Variants in UPP2 observed in about 807,000 individuals in gnomAD.
The protein encoded by UPP2 is UPase 2.
In UPP2, 23 loss-of-function variants were observed where a neutral mutation model predicts 26.7. The ratio of observed to expected loss-of-function variants is 0.86; its 90% CI spans 0.62 to 1.22. The LOEUF (loss-of-function observed/expected upper bound fraction) is 1.22. Ranked by LOEUF, UPP2 falls within the 50% of genes most tolerant of loss-of-function variation. UPP2 has a pLI of 0.00. For missense variants in UPP2, 387 were observed against 396.7 expected (o/e 0.98, Z 0.21); for synonymous variants, 127 against 141.3 (o/e 0.90, Z 0.72).
At chr2:158,064,961 C>T (rs556429176) in intron 3 of UPP2, among the ~76,000 whole-genome samples, 21 of 152,244 alleles carry the variant, frequency 1.4e-4, no homozygotes, top group Non-Finnish European at 2.6e-4. Context: ...TGTTTTGGTA[C>T]CAGTACCATG....
In UPP2 at chr2:158,123,874, T is replaced by G; in HGVS notation, c.790T>G (p.Cys264Gly). Residue 264 changes from cysteine to glycine, a missense_variant, in exon 6 of 7, where the codon TGT (cysteine) becomes GGT (glycine). By Grantham distance (159) the Cys-to-Gly change is radical (BLOSUM62 -3). Transcript: ENST00000005756. ...EMESTVFAAM[C>G]GLCGLKAAVV... ...GGAATCTACAGTGTTTGCAGCTATG[T>G]GTGGACTCTGTGGTCTAAAAGGTAA... 6.2e-7 allele frequency: 1 copy of G among 1,613,840 alleles called. No homozygotes were observed. Among genetic ancestry groups the G allele is most frequent in the South Asian group, 1.1e-5 (1 of 91,040 alleles).
Position 158,110,112 on chromosome 2 carries a change from G to A in UPP2, c.180+3896G>A, listed in dbSNP as rs375803664. On this transcript the variant is annotated intron_variant, in intron 2 of 6. Coordinates refer to ENST00000005756, the MANE Select transcript of UPP2 (RefSeq NM_173355.4). ...GTTGGTGTGCTGCACCCATTAACTC[G>A]TCATTTACATTATGTATATCTCCTA... Among the ~76,000 whole-genome samples, 33 of 152,146 alleles carry A rather than the reference G, an allele frequency of 2.2e-4. No homozygotes were observed. The East Asian group carries it at 3.3e-3, about 15-fold the overall frequency.
intron 3 of UPP2, among the ~76,000 whole-genome samples, chr2:158,022,993 C>G (rs1284208933): frequency 6.6e-6 from 1 of 151,832 alleles, no homozygotes; most frequent in East Asian, 1.9e-4. Context: ...GGGCAATGAT[C>G]TTGAAAGGAT....
intron 3 of UPP2, among the ~76,000 whole-genome samples, chr2:158,019,388 T>C (rs1306317984): frequency 4.0e-5 from 6 of 151,854 alleles, no homozygotes. Context: ...CGGGGAGTAG[T>C]ATAGGCGCAG....
At chr2:158,076,604 T>G (rs1289506172) in intron 3 of UPP2, among the ~76,000 whole-genome samples, 1 of 152,002 alleles carries the variant, frequency 6.6e-6, no homozygotes, top group Non-Finnish European at 1.5e-5. Flanking sequence ...AAAACAGATT[T>G]AATAGAATTC....
At chr2:158,028,948 T>A (rs1050589798) in intron 3 of UPP2, among the ~76,000 whole-genome samples, 1 of 152,180 alleles carries the variant, frequency 6.6e-6, no homozygotes, top group South Asian at 2.1e-4. Flanking sequence ...CCACAACACA[T>A]GAGAAAGTGA....
At chr2:158,070,984 A>G (rs562847835) in intron 3 of UPP2, among the ~76,000 whole-genome samples, 72 of 152,344 alleles carry the variant, frequency 4.7e-4, no homozygotes, top group African/African-American at 1.6e-3. Context: ...CATTTGGATC[A>G]GCCTTAGCCG....
intron 3 of UPP2, among the ~76,000 whole-genome samples, chr2:158,117,463 C>T (rs750642756): frequency 5.9e-5 from 9 of 151,902 alleles, no homozygotes; most frequent in African/African-American, 9.7e-5. Flanking sequence ...TCAAGTCAAT[C>T]GTGCAAAAAG....
intron 3 of UPP2, among the ~76,000 whole-genome samples, chr2:158,039,869 C>G (rs1221631001): frequency 6.6e-6 from 1 of 152,216 alleles, no homozygotes; most frequent in Non-Finnish European, 1.5e-5. Context: ...CCAGTAAGCT[C>G]TGAAGGCCCT....
intron 6 of UPP2, chr2:158,134,113 CT>C (rs1270043208): frequency 3.9e-5 from 6 of 152,038 alleles, no homozygotes. Flanking sequence ...CATTCTCATT[CT>C]TTAGAAATCA....
chr2:158,035,797 G>T (rs1330010088), intron 3 of UPP2, among the ~76,000 whole-genome samples: 1 of 152,216 alleles, frequency 6.6e-6, no homozygotes, highest in Non-Finnish European at 1.5e-5. Context: ...GTCCAGAGAT[G>T]TTCTTATTTT....
intron 3 of UPP2, among the ~76,000 whole-genome samples, chr2:158,042,995 C>T (rs897512681): frequency 2.0e-5 from 3 of 152,210 alleles, no homozygotes; most frequent in Admixed American, 6.5e-5. Flanking sequence ...AGTCTCAAAC[C>T]CTCATTTCAC....
chr2:158,106,924 T>A (rs1683209311), intron 2 of UPP2, among the ~76,000 whole-genome samples: 1 of 152,222 alleles, frequency 6.6e-6, no homozygotes, highest in Admixed American at 6.5e-5. Context: ...ATAGTTGTAA[T>A]TATATAACTG....
upstream of UPP2, among the ~76,000 whole-genome samples, chr2:158,099,363 C>T: frequency 6.6e-6 from 1 of 152,118 alleles, no homozygotes; most frequent in East Asian, 1.9e-4. Context: ...AATGGAAGAG[C>T]CAGGGAATCT....
rs377558888 is a variant in UPP2 at position 157,999,692 on chromosome 2, C to T, written c.61+4433C>T. Among the ~76,000 whole-genome samples, 48 of 152,272 alleles carry T rather than the reference C, an allele frequency of 3.2e-4. 1 individual carries two copies. The South Asian group carries it at 9.7e-3, about 31-fold the overall frequency. The stretch of plus-strand genomic sequence containing the variant: ...TAATAAAGCTGACAAATTTCTATTG[C>T]CTACTGACATCTTGATAATCCTGAC... On this transcript the variant is annotated intron_variant, in intron 2 of 9. Coordinates refer to the UPP2 transcript ENST00000605860.
chr2:158,027,608 T>A (rs55813318), intron 3 of UPP2, among the ~76,000 whole-genome samples: 22,291 of 151,876 alleles, frequency 0.15, 2,133 homozygotes, highest in African/African-American at 0.28. Context: ...CATTCTGGAG[T>A]CTGGAGGATG....
At chr2:158,073,483 A>T (rs969173907) in intron 3 of UPP2, among the ~76,000 whole-genome samples, 1 of 152,208 alleles carries the variant, frequency 6.6e-6, no homozygotes, top group Non-Finnish European at 1.5e-5. Flanking sequence ...ATTCAAATAC[A>T]AAAAGGTGAT....
At chr2:158,048,874 A>G (rs771957387) in intron 3 of UPP2, among the ~76,000 whole-genome samples, 5 of 152,256 alleles carry the variant, frequency 3.3e-5, no homozygotes, top group Admixed American at 2.0e-4. Context: ...ATAGAGGAGA[A>G]CTCTGGCCCA....
At chr2:158,033,617 T>C (rs1008465578) in intron 3 of UPP2, among the ~76,000 whole-genome samples, 2 of 152,290 alleles carry the variant, frequency 1.3e-5, no homozygotes, top group Non-Finnish European at 2.9e-5. Flanking sequence ...GGGCAATTCC[T>C]TGGCAAGATA....
Sources: allele counts gnomAD v4.1 joint callset (sites outside exome capture counted in the v4.1 genomes callset), GRCh38; gene constraint gnomAD v4.1.1; transcripts MANE v1.5; gene names NCBI Gene and HGNC (gene_info 2026-07-23, HGNC 2026-07-21).